EPS8: variants seen among roughly 807,000 people sequenced by gnomAD.
EPS8 encodes epidermal growth factor receptor kinase substrate 8.
A neutral mutation model predicts 103.8 loss-of-function variants in EPS8; 42 were observed. That is an observed-to-expected ratio of 0.40 (90% CI 0.32 to 0.52). The LOEUF (loss-of-function observed/expected upper bound fraction) is 0.52. Among genes scored for constraint, EPS8 ranks in the 20% least tolerant of loss-of-function variants. The pLI, the probability that EPS8 is intolerant of heterozygous loss-of-function variation, is 0.40. For missense variants in EPS8, 969 were observed against 1,005.1 expected (o/e 0.96, Z 0.49); for synonymous variants, 344 against 344.6 (o/e 1.00, Z 0.02).
chr12:15,663,946 ATAATATATAT>A (rs1203055977), intron 8 of EPS8, among the ~76,000 whole-genome samples: 1 of 10,150 alleles, frequency 9.9e-5, no homozygotes, highest in African/African-American at 2.9e-4. Flanking sequence ...AAAAAAAAAA[ATAATATATAT>A]ATATATATAT....
intron 1 of EPS8, among the ~76,000 whole-genome samples, chr12:15,768,969 T>C (rs183491284): frequency 1.1e-4 from 16 of 152,318 alleles, no homozygotes; most frequent in Middle Eastern, 3.4e-3. Context: ...CACCTGAGCT[T>C]TTAAAAAATA....
rs900627507 is a variant in EPS8 at position 15,784,841 on chromosome 12, T to C, written c.-22+4320A>G. Among the ~76,000 whole-genome samples the C allele has an allele frequency of 1.3e-5, 2 of 152,132 alleles. No homozygotes were observed. Among genetic ancestry groups the C allele is most frequent in the African/African-American group, 4.8e-5 (2 of 41,442 alleles). ...AAGACATGGATGAACCTTAAATGTG[T>C]ATTGCTAAATGAAAGAAGCCAGTCT... On this transcript the variant is annotated intron_variant, in intron 1 of 20. Coordinates refer to ENST00000281172, the MANE Select transcript of EPS8 (RefSeq NM_004447.6). This position sits in a 1 kb window ranked among gnomAD's most constrained non-coding sequence, Gnocchi z 4.0.
chr12:15,719,983 T>C (rs765837109), intron 1 of EPS8, among the ~76,000 whole-genome samples: 2 of 152,216 alleles, frequency 1.3e-5, no homozygotes, highest in East Asian at 1.9e-4. Context: ...TACAATTTAG[T>C]GTTATGTGAC....
rs1489980582 is a variant in EPS8, at chr12:15,776,820, C to T, written c.-22+12341G>A. Among the ~76,000 whole-genome samples, 1 of 152,184 alleles carries T rather than the reference C, an allele frequency of 6.6e-6. No individual in the cohort carries two copies. Among genetic ancestry groups the T allele is most frequent in the African/African-American group, 2.4e-5 (1 of 41,458 alleles). ...ATTTTTATATCAGATTCTACCACCA[C>T]TTGTTTTCCCAATCATTTTATCACT... On this transcript the variant is annotated intron_variant, in intron 1 of 20. Transcript: ENST00000281172. The surrounding 1 kb of genome is among the most constrained non-coding windows in gnomAD (Gnocchi z 4.2).
At chr12:15,723,005 G>GAA (rs897410926) in intron 1 of EPS8, among the ~76,000 whole-genome samples, 3 of 129,806 alleles carry the variant, frequency 2.3e-5, no homozygotes, top group Admixed American at 7.8e-5. Context: ...TCACTTGTTT[G>GAA]AAAAAAAAAA....
At chr12:15,676,926 A>G (rs1456870044) in intron 3 of EPS8, among the ~76,000 whole-genome samples, 1 of 152,072 alleles carries the variant, frequency 6.6e-6, no homozygotes, top group Non-Finnish European at 1.5e-5. Context: ...ATGTCCTCAA[A>G]TAAGCAAATT....
At chr12:15,623,514 G>A (rs895264102) in intron 19 of EPS8, among the ~76,000 whole-genome samples, 2 of 152,074 alleles carry the variant, frequency 1.3e-5, no homozygotes, top group African/African-American at 4.8e-5. Context: ...TCAAAAATGA[G>A]CCAATTCGGT....
rs749704104 is a variant in EPS8 at position 15,654,131 on chromosome 12, T to C, written c.1250+14A>G. On this transcript the variant is annotated intron_variant, in intron 13 of 20. Coordinates refer to ENST00000281172, the MANE Select transcript of EPS8 (RefSeq NM_004447.6). ...AGAATGGTACTTAAGGCATTATAGGTGGTAAATGCTTACCTGGCTTTCATC... is the reference window on the plus strand; with the variant it reads ...AGAATGGTACTTAAGGCATTATAGGCGGTAAATGCTTACCTGGCTTTCATC... The C allele has an allele frequency of 6.2e-7, 1 of 1,611,326 alleles. No individual in the cohort carries two copies. The highest frequency in any genetic ancestry group is 8.5e-7 in the Non-Finnish European group (1 of 1,177,798).
rs752385666 is a variant in EPS8, at chr12:15,696,737, ATGTCCACTT to A, written c.-21-13774_-21-13766del. ...TGGGAAGAAATGGGACTTTTTTTAC[ATGTCCACTT>A]TGAGGCCAGTGTCAATCTATAAACC... On this transcript the variant is annotated intron_variant, in intron 1 of 20. Transcript: ENST00000281172. This position sits in a 1 kb window ranked among gnomAD's most constrained non-coding sequence, Gnocchi z 4.8. 9.9e-5 allele frequency among the ~76,000 whole-genome samples: 15 copies of A among 152,096 alleles called. No individual in the cohort carries two copies. The highest frequency in any genetic ancestry group is 2.1e-4 in the Non-Finnish European group (14 of 68,016).
In EPS8 at chr12:15,700,940, C is replaced by T. The variant is rs1946303761; in HGVS notation, c.-21-17968G>A. On this transcript the variant is annotated intron_variant, in intron 1 of 20. Coordinates refer to ENST00000281172, the MANE Select transcript of EPS8 (RefSeq NM_004447.6). This position sits in a 1 kb window ranked among gnomAD's most constrained non-coding sequence, Gnocchi z 5.1. Reference sequence around the variant, plus strand: ...TCAAAGTAAAGAACATTTTCATAAACATACGGTCAGGAGAAAGGAGACTTT... The same window carrying T: ...TCAAAGTAAAGAACATTTTCATAAATATACGGTCAGGAGAAAGGAGACTTT... Among the ~76,000 whole-genome samples the T allele has an allele frequency of 6.6e-6, 1 of 152,142 alleles. No individual in the cohort carries two copies. The highest frequency in any genetic ancestry group is 2.1e-4 in the South Asian group (1 of 4,830).
Position 15,761,755 on chromosome 12 carries a change from C to T in EPS8, c.-22+27406G>A, listed in dbSNP as rs1447496596. 6.6e-6 allele frequency among the ~76,000 whole-genome samples: 1 copy of T among 152,052 alleles called. No individual in the cohort carries two copies. The highest frequency in any genetic ancestry group is 2.4e-5 in the African/African-American group (1 of 41,396). On this transcript the variant is annotated intron_variant, in intron 1 of 20. Coordinates refer to ENST00000281172, the MANE Select transcript of EPS8 (RefSeq NM_004447.6). The surrounding 1 kb of genome is among the most constrained non-coding windows in gnomAD (Gnocchi z 4.5). ...ATATCCAGAAGAAGGAAACTAGACC[C>T]CTATCTCTCGCCACATCCAAAAATC...
chr12:15,752,446 CA>C lies in EPS8; in HGVS notation c.-22+36714del, dbSNP rs1370489030. ...TGGGCGACAGAGCAAGACTCCATCTCAAAAAAAAAACAAAAACAAAAAAAAT... is the reference window on the plus strand; with the variant it reads ...TGGGCGACAGAGCAAGACTCCATCTCAAAAAAAAACAAAAACAAAAAAAAT... On this transcript the variant is annotated intron_variant, in intron 1 of 20. Transcript: ENST00000281172. The surrounding 1 kb of genome is among the most constrained non-coding windows in gnomAD (Gnocchi z 4.4). Among the ~76,000 whole-genome samples the C allele has an allele frequency of 5.0e-5, 7 of 140,622 alleles. No individual in the cohort carries two copies. Among genetic ancestry groups the C allele is most frequent in the South Asian group, 4.6e-4 (2 of 4,372 alleles). 92.3% of individuals were successfully genotyped at this position (140,622 alleles called of 152,430 possible). A position where few individuals can be genotyped will look rare whatever the true frequency, so the allele number is the denominator to read the frequency against.
Position 15,654,140 on chromosome 12 carries a change from C to A in EPS8, c.1250+5G>T. Reference sequence around the variant, plus strand: ...CTTAAGGCATTATAGGTGGTAAATGCTTACCTGGCTTTCATCCAAGTTCCT... The same window carrying A: ...CTTAAGGCATTATAGGTGGTAAATGATTACCTGGCTTTCATCCAAGTTCCT... On this transcript the variant is annotated splice_donor_5th_base_variant and intron_variant, in intron 13 of 20. Coordinates refer to ENST00000281172, the MANE Select transcript of EPS8 (RefSeq NM_004447.6). 6.2e-7 allele frequency: 1 copy of A among 1,613,180 alleles called. No individual in the cohort carries two copies. The highest frequency in any genetic ancestry group is 8.5e-7 in the Non-Finnish European group (1 of 1,179,320).
At chr12:15,647,040 T>C (rs1337675091) in intron 15 of EPS8, 87 bp downstream of exon 15, 2 of 1,259,244 alleles carry the variant, frequency 1.6e-6, no homozygotes, top group South Asian at 1.8e-5. Flanking sequence ...AAAGAAGCAG[T>C]AGACAATACA....
intron 6 of EPS8, among the ~76,000 whole-genome samples, chr12:15,667,049 A>G (rs1366698967): frequency 6.6e-6 from 1 of 152,178 alleles, no homozygotes; most frequent in African/African-American, 2.4e-5. Context: ...TTCTGCAAAC[A>G]ATTAACTTTT....
chr12:15,662,039 A>G lies in EPS8; in HGVS notation c.797T>C (p.Ile266Thr). 2 of 1,613,814 alleles carry G rather than the reference A, an allele frequency of 1.2e-6. No individual in the cohort carries two copies. Among genetic ancestry groups the G allele is most frequent in the South Asian group, 2.2e-5 (2 of 91,072 alleles). Reference protein sequence around the residue: ...EETPEMMAARIDRDVQILNHI... With the variant: ...EETPEMMAARTDRDVQILNHI... The stretch of plus-strand genomic sequence containing the variant: ...TCCTGTACTTACCACATCTCTGTCA[A>G]TGCGGGCTGCCATCATCTCAGGTGT... Residue 266 changes from isoleucine to threonine, a missense_variant, in exon 9 of 21, where the codon ATT becomes ACT. Ile to Thr is a moderately conservative substitution (Grantham distance 89). Coordinates refer to ENST00000281172, the MANE Select transcript of EPS8 (RefSeq NM_004447.6).
rs1013978876 is a variant in EPS8 at position 15,749,499 on chromosome 12, T to C, written c.-22+39662A>G. Among the ~76,000 whole-genome samples the C allele has an allele frequency of 1.3e-5, 2 of 152,192 alleles. No homozygotes were observed. The highest frequency in any genetic ancestry group is 2.9e-5 in the Non-Finnish European group (2 of 68,038). On this transcript the variant is annotated intron_variant, in intron 1 of 20. Coordinates refer to ENST00000281172, the MANE Select transcript of EPS8 (RefSeq NM_004447.6). The surrounding 1 kb of genome is among the most constrained non-coding windows in gnomAD (Gnocchi z 4.0). ...TATTGTAATTTGTTTCCAAGATATATGTTCAGTCCAAAATAGAAAATAATC... is the reference window on the plus strand; with the variant it reads ...TATTGTAATTTGTTTCCAAGATATACGTTCAGTCCAAAATAGAAAATAATC...
chr12:15,650,828 T>A lies in EPS8; in HGVS notation c.1429A>T (p.Thr477Ser), dbSNP rs1197650157. 8 of 1,613,444 alleles carry A rather than the reference T, an allele frequency of 5.0e-6. No homozygotes were observed. Among genetic ancestry groups the A allele is most frequent in the Non-Finnish European group, 6.8e-6 (8 of 1,179,582 alleles). Residue 477 changes from threonine (T) to serine (S), a missense_variant, in exon 14 of 21, where the codon ACA (threonine) becomes TCA (serine). By Grantham distance (58) the Thr-to-Ser change is moderately conservative (BLOSUM62 1). Transcript: ENST00000281172. ...AATGTTAAAAAAAAAACTACCTCTG[T>A]GGATAATCTTTTTATTTCCTGTTTG... ...QRKQEIKRLS[T>S]EHSSVSEYHP...
rs1752508448 is a variant in EPS8 at position 15,778,874 on chromosome 12, A to G, written c.-22+10287T>C. Among the ~76,000 whole-genome samples the G allele has an allele frequency of 6.6e-6, 1 of 152,266 alleles. No homozygotes were observed. Among genetic ancestry groups the G allele is most frequent in the Admixed American group, 6.5e-5 (1 of 15,292 alleles). On this transcript the variant is annotated intron_variant, in intron 1 of 20. Transcript: ENST00000281172. The surrounding 1 kb of genome is among the most constrained non-coding windows in gnomAD (Gnocchi z 4.5). ...AGTTTGCATGCCCAGGCAGAAAATA[A>G]GTCATCAATTTACCAAGTTACTCAC...
Sources: gnomAD v4.1 joint callset for allele counts (sites outside exome capture counted in the v4.1 genomes callset) on GRCh38, gnomAD v4.1.1 for gene constraint, Gnocchi (gnomAD v3.1) non-coding constraint, MANE v1.5 for transcripts, NCBI Gene and HGNC (gene_info 2026-07-23, HGNC 2026-07-21) for gene names.